Variants in ZNF804B observed in about 807,000 individuals in gnomAD.
ZNF804B encodes the protein zinc finger protein 804B, also known as zinc finger 804B.
In ZNF804B, 80 loss-of-function variants were observed where a neutral mutation model predicts 101.4. That is an observed-to-expected ratio of 0.79 (90% CI 0.66 to 0.95). ZNF804B has a LOEUF of 0.95. Ranked by LOEUF, ZNF804B falls within the 40% of genes least tolerant of loss-of-function variation. The probability of loss-of-function intolerance (pLI) is 0.00; values close to 1 mark genes in which losing one functional copy is unlikely to be tolerated. For missense variants in ZNF804B, 1,673 were observed against 1,561.9 expected, an observed-to-expected ratio of 1.07 and a Z score of -1.20; for synonymous variants, 622 against 558.8, an observed-to-expected ratio of 1.11 and a Z score of -1.59.
chr7:89,019,298 C>T (rs1788623875), intron 1 of ZNF804B, among the ~76,000 whole-genome samples: 1 of 151,860 alleles, frequency 6.6e-6, no homozygotes, highest in African/African-American at 2.4e-5. Flanking sequence ...TCAGATATTC[C>T]TCTTGGTATA....
chr7:88,935,992 C>G (rs758473058), intron 1 of ZNF804B, among the ~76,000 whole-genome samples: 1 of 150,706 alleles, frequency 6.6e-6, no homozygotes, highest in Non-Finnish European at 1.5e-5. Flanking sequence ...CTTTCTCCCT[C>G]CCTTCCTCCA....
intron 2 of ZNF804B, among the ~76,000 whole-genome samples, chr7:89,220,160 TAC>T (rs1491273930): frequency 1.8e-5 from 1 of 54,692 alleles, no homozygotes; most frequent in African/African-American, 8.3e-5. Context: ...CATATATATA[TAC>T]GCACATATAT....
chr7:89,014,553 T>C (rs1788512560), intron 1 of ZNF804B, among the ~76,000 whole-genome samples: 1 of 152,216 alleles, frequency 6.6e-6, no homozygotes, highest in Non-Finnish European at 1.5e-5. Flanking sequence ...CCTGACCTTG[T>C]GATCCACCCG....
At chr7:89,087,102 T>G (rs1370722298) in intron 1 of ZNF804B, among the ~76,000 whole-genome samples, 2 of 151,226 alleles carry the variant, frequency 1.3e-5, no homozygotes, top group African/African-American at 4.8e-5. Flanking sequence ...AAGGACTCAG[T>G]GCACTCATTG....
Position 88,884,891 on chromosome 7 carries a change from A to G in ZNF804B, c.108+124807A>G, listed in dbSNP as rs530753182. Among the ~76,000 whole-genome samples, 8 of 151,992 alleles carry G rather than the reference A, an allele frequency of 5.3e-5. No individual in the cohort carries two copies. In the East Asian group the frequency reaches 1.2e-3, roughly 22 times the overall value. On this transcript the variant is annotated intron_variant, in intron 1 of 3. Transcript: ENST00000333190. Reference sequence around the variant, plus strand: ...GAAGTCACCATAATGGCAGTCTACAATTATGTTTATTAGTCTCGTCCATTG... The same window carrying G: ...GAAGTCACCATAATGGCAGTCTACAGTTATGTTTATTAGTCTCGTCCATTG...
intron 1 of ZNF804B, among the ~76,000 whole-genome samples, chr7:89,108,229 T>G (rs1434205678): frequency 7.0e-6 from 1 of 143,474 alleles, no homozygotes; most frequent in Non-Finnish European, 1.5e-5. Context: ...GCTGCTTTTT[T>G]TTTTTTCTTT....
At chr7:89,023,015 G>T (rs1200218959) in intron 1 of ZNF804B, among the ~76,000 whole-genome samples, 1 of 152,104 alleles carries the variant, frequency 6.6e-6, no homozygotes, top group South Asian at 2.1e-4. Flanking sequence ...AAGTTAGCCT[G>T]ACCCATACTT....
At chr7:89,223,606 A>ATTAT (rs35199718) in intron 2 of ZNF804B, among the ~76,000 whole-genome samples, 39,592 of 146,678 alleles carry the variant, frequency 0.27, 5,570 homozygotes, top group Non-Finnish European at 0.31. Context: ...AAAAATTAAG[A>ATTAT]TTATTTATTT....
intron 2 of ZNF804B, among the ~76,000 whole-genome samples, chr7:89,236,265 A>C (rs141453570): frequency 6.6e-6 from 1 of 152,088 alleles, no homozygotes; most frequent in African/African-American, 2.4e-5. Flanking sequence ...AGATATCCAG[A>C]TTTCATTTGG....
At chr7:89,281,164 A>G (rs2115870025) in intron 2 of ZNF804B, among the ~76,000 whole-genome samples, 1 of 152,290 alleles carries the variant, frequency 6.6e-6, no homozygotes, top group South Asian at 2.1e-4. Context: ...CCTGTATATA[A>G]TTATGATTGC....
intron 1 of ZNF804B, among the ~76,000 whole-genome samples, chr7:88,854,502 CTTTCCTTTCCTTTCCT>C (rs1562812822): frequency 2.5e-5 from 2 of 79,790 alleles, no homozygotes; most frequent in African/African-American, 1.4e-4. Context: ...CTTTCCTTTC[CTTTCCTTTCCTTTCCT>C]TTCCTTCCTT....
chr7:89,313,942 TA>T (rs975684951), intron 2 of ZNF804B, among the ~76,000 whole-genome samples: 1 of 152,132 alleles, frequency 6.6e-6, no homozygotes, highest in African/African-American at 2.4e-5. Flanking sequence ...TAAGTCCCTT[TA>T]AAAAAATCTA....
chr7:89,190,089 A>G (rs1788430910), intron 1 of ZNF804B, among the ~76,000 whole-genome samples: 1 of 152,108 alleles, frequency 6.6e-6, no homozygotes, highest in Non-Finnish European at 1.5e-5. Context: ...GAGGGGTTCA[A>G]AACTTCAGTG....
At chr7:89,061,403 T>G (rs1789376968) in intron 1 of ZNF804B, among the ~76,000 whole-genome samples, 2 of 151,946 alleles carry the variant, frequency 1.3e-5, no homozygotes, top group Admixed American at 6.6e-5. Context: ...TGTGTGTGTG[T>G]GTGTGGTGTA....
In ZNF804B at chr7:89,240,425, T is replaced by G. The variant is rs796224176; in HGVS notation, c.249+22130T>G. ...AAAGTTTTTTTTTCTCTCTTTCTCT[T>G]TTTTTTCTGTAAAATGAGCGTTTTG... is the stretch of plus-strand genomic sequence containing the variant. On this transcript the variant is annotated intron_variant, in intron 2 of 3. Coordinates refer to ENST00000333190, the MANE Select transcript of ZNF804B (RefSeq NM_181646.5). 5.9e-4 allele frequency among the ~76,000 whole-genome samples: 89 copies of G among 152,088 alleles called. 1 individual carries two copies. The highest frequency in any genetic ancestry group is 2.0e-3 in the African/African-American group (84 of 41,508).
intron 1 of ZNF804B, among the ~76,000 whole-genome samples, chr7:89,186,031 G>C (rs1455982605): frequency 6.6e-6 from 1 of 152,000 alleles, no homozygotes; most frequent in African/African-American, 2.4e-5. Context: ...AGGAAAAACT[G>C]ACCATTTGAA....
chr7:89,182,095 AAAT>A (rs1788305493), intron 1 of ZNF804B, among the ~76,000 whole-genome samples: 1 of 152,176 alleles, frequency 6.6e-6, no homozygotes, highest in African/African-American at 2.4e-5. Context: ...ATCAAATAGG[AAAT>A]TACCCTTTCT....
At chr7:88,820,848 A>G (rs967491554) in intron 1 of ZNF804B, among the ~76,000 whole-genome samples, 2 of 152,138 alleles carry the variant, frequency 1.3e-5, no homozygotes, top group Admixed American at 1.3e-4. Flanking sequence ...GAGTCCTAGG[A>G]ATCTGCATGG....
chr7:89,180,263 G>A (rs1049960458), intron 1 of ZNF804B, among the ~76,000 whole-genome samples: 9 of 152,306 alleles, frequency 5.9e-5, no homozygotes, highest in South Asian at 2.1e-4. Context: ...CTGGCCCAGG[G>A]TTGGTCTAGA....
Sources: gnomAD v4.1 joint callset for allele counts (sites outside exome capture counted in the v4.1 genomes callset) on GRCh38, gnomAD v4.1.1 for gene constraint, MANE v1.5 for transcripts, NCBI Gene and HGNC (gene_info 2026-07-23, HGNC 2026-07-21) for gene names.